MRPS6: variants seen among roughly 807,000 people sequenced by gnomAD.
MRPS6 encodes the protein mitochondrial ribosomal protein S6.
A neutral mutation model predicts 13.1 loss-of-function variants in MRPS6; 6 were observed. That is an observed-to-expected ratio of 0.46 (90% CI 0.25 to 0.91). MRPS6 has a LOEUF of 0.91. Among genes scored for constraint, MRPS6 ranks in the 40% least tolerant of loss-of-function variants. The pLI is 0.18. For missense variants in MRPS6, 164 were observed against 155.6 expected, an observed-to-expected ratio of 1.05 and a Z score of -0.29; for synonymous variants, 61 against 56.5, an observed-to-expected ratio of 1.08 and a Z score of -0.36.
At chr21:34,091,704 T>C (rs1022757276) in intron 1 of MRPS6, among the ~76,000 whole-genome samples, 1 of 152,210 alleles carries the variant, frequency 6.6e-6, no homozygotes, top group Non-Finnish European at 1.5e-5. Context: ...AATAAAATAC[T>C]ACTTTCTGAG....
rs1412649442 is a variant in MRPS6 at position 34,107,566 on chromosome 21, GCATT to G, written c.46-17770_46-17767del. 1.3e-5 allele frequency among the ~76,000 whole-genome samples: 2 copies of G among 152,108 alleles called. 1 individual carries two copies. Among genetic ancestry groups the G allele is most frequent in the East Asian group, 3.8e-4 (2 of 5,200 alleles). ...CATCAAACTTGAACCCCTAGTTTTA[GCATT>G]CATTTATCTATGAATCTTGCCTGAG... On this transcript the variant is annotated intron_variant, in intron 1 of 2. Coordinates refer to ENST00000399312, the MANE Select transcript of MRPS6 (RefSeq NM_032476.4).
Position 34,096,035 on chromosome 21 carries a change from C to CT in MRPS6, c.45+22290_45+22291insT. ...CTTCAGTATGGTACTGGTGTGCTGA[C>CT]CAAGTCATCGTGCAGAGGGTCCTTG... On this transcript the variant is annotated intron_variant, in intron 1 of 2. Coordinates refer to ENST00000399312, the MANE Select transcript of MRPS6 (RefSeq NM_032476.4). This position sits in a 1 kb window ranked among gnomAD's most constrained non-coding sequence, Gnocchi z 5.9. 6.2e-7 allele frequency: 1 copy of CT among 1,614,104 alleles called. No homozygotes were observed. Among genetic ancestry groups the CT allele is most frequent in the Non-Finnish European group, 8.5e-7 (1 of 1,179,994 alleles).
At chr21:34,116,340 T>C (rs12626990) in intron 1 of MRPS6, among the ~76,000 whole-genome samples, 3 of 151,304 alleles carry the variant, frequency 2.0e-5, no homozygotes, top group African/African-American at 7.3e-5. Context: ...TTTTTTAATT[T>C]CTATAGGTGT....
chr21:34,097,584 G>GT, intron 1 of MRPS6: 1 of 1,270,626 alleles, frequency 7.9e-7, no homozygotes, highest in South Asian at 2.4e-5. Flanking sequence ...TGCAAATGTG[G>GT]TTTTAAATTT....
chr21:34,087,474 A>G (rs1978452781), intron 1 of MRPS6, among the ~76,000 whole-genome samples: 1 of 152,190 alleles, frequency 6.6e-6, no homozygotes, highest in Admixed American at 6.5e-5. Flanking sequence ...AGAAAATTCT[A>G]CCCTCATGGA....
At chr21:34,079,723 A>G (rs1300708182) in intron 1 of MRPS6, among the ~76,000 whole-genome samples, 1 of 146,906 alleles carries the variant, frequency 6.8e-6, no homozygotes, top group Admixed American at 7.0e-5. Flanking sequence ...TGCTGGGATT[A>G]CAGGCCCTCT....
At chr21:34,077,178 T>G (rs2148651381) in intron 1 of MRPS6, among the ~76,000 whole-genome samples, 1 of 152,270 alleles carries the variant, frequency 6.6e-6, no homozygotes, top group East Asian at 1.9e-4. Context: ...TAATTAGATT[T>G]TAAAGGTTGG....
rs1208994855 is a variant in MRPS6, at chr21:34,096,801, C to A, written c.45+23056C>A. ...TGTAATTGTGAGCCTTCTCACACCA[C>A]CTCCCACAAAGGAACAGATTCGAAC... is the stretch of plus-strand genomic sequence containing the variant. On this transcript the variant is annotated intron_variant, in intron 1 of 2. Coordinates refer to ENST00000399312, the MANE Select transcript of MRPS6 (RefSeq NM_032476.4). The surrounding 1 kb of genome is among the most constrained non-coding windows in gnomAD (Gnocchi z 5.9). The A allele has an allele frequency of 1.2e-6, 2 of 1,614,016 alleles. No homozygotes were observed.
At chr21:34,138,005 A>T (rs899392017) in intron 2 of MRPS6, among the ~76,000 whole-genome samples, 1 of 152,054 alleles carries the variant, frequency 6.6e-6, no homozygotes, top group Admixed American at 6.6e-5. Flanking sequence ...ATTTGCTAAA[A>T]TTTTGTTTAG....
At chr21:34,133,160 T>C (rs1980564582) in intron 2 of MRPS6, among the ~76,000 whole-genome samples, 1 of 152,248 alleles carries the variant, frequency 6.6e-6, no homozygotes, top group Non-Finnish European at 1.5e-5. Flanking sequence ...GTGAAAGTAC[T>C]TTGAAAATTA....
chr21:34,091,991 T>C (rs190080667), intron 1 of MRPS6, among the ~76,000 whole-genome samples: 2 of 152,128 alleles, frequency 1.3e-5, no homozygotes, highest in African/African-American at 4.8e-5. Flanking sequence ...TATATAAATA[T>C]AAAAATACAA....
Position 34,142,872 on chromosome 21 carries a change from T to G in MRPS6, c.*272T>G, listed in dbSNP as rs1980953389. On this transcript the variant is annotated 3_prime_UTR_variant, in exon 3 of 3. Transcript: ENST00000399312. The stretch of plus-strand genomic sequence containing the variant: ...TCTTTGTCATTGAGGACTTTTCCCC[T>G]TACAACAGTAACACCATTTTTTGAA... 1 of 285,102 alleles carries G rather than the reference T, an allele frequency of 3.5e-6. No homozygotes were observed. The highest frequency in any genetic ancestry group is 6.5e-6 in the Non-Finnish European group (1 of 154,802). The allele number at this position is 285,102 out of a possible 1,614,324, so 17.7% of individuals were successfully genotyped here. A position where few individuals can be genotyped will look rare whatever the true frequency, so the allele number is the denominator to read the frequency against.
At chr21:34,126,478 C>G (rs1334913729) in intron 2 of MRPS6, among the ~76,000 whole-genome samples, 2 of 152,336 alleles carry the variant, frequency 1.3e-5, no homozygotes, top group African/African-American at 4.8e-5. Context: ...TAGTGTTCAG[C>G]TTCTTGAGAA....
intron 1 of MRPS6, among the ~76,000 whole-genome samples, chr21:34,080,704 C>G (rs1027287287): frequency 5.9e-5 from 9 of 152,200 alleles, no homozygotes; most frequent in Admixed American, 3.3e-4. Flanking sequence ...TGTTTTACCT[C>G]CTTTGCTAGA....
At chr21:34,121,720 T>A (rs1328096515) in intron 1 of MRPS6, among the ~76,000 whole-genome samples, 1 of 152,232 alleles carries the variant, frequency 6.6e-6, no homozygotes, top group Non-Finnish European at 1.5e-5. Flanking sequence ...ATCATTTGTT[T>A]CCTGTAAACT....
intron 1 of MRPS6, chr21:34,122,370 C>T (rs993851077): frequency 2.0e-5 from 3 of 152,208 alleles, no homozygotes; most frequent in Admixed American, 6.5e-5. Flanking sequence ...TTCCACCTTT[C>T]GTTTTATACT....
intron 1 of MRPS6, chr21:34,095,268 G>A: frequency 6.2e-7 from 1 of 1,614,124 alleles, no homozygotes; most frequent in South Asian, 1.1e-5. Flanking sequence ...CATGTGCATT[G>A]GTTTTTTTGC....
chr21:34,102,997 TAGAC>T (rs1338084816), intron 1 of MRPS6: 49 of 999,868 alleles, frequency 4.9e-5, no homozygotes, highest in East Asian at 1.1e-4. Context: ...TTATTGCTCT[TAGAC>T]AGAGTAGTCT....
intron 1 of MRPS6, chr21:34,098,131 C>T (rs1979058551): frequency 1.0e-6 from 1 of 999,438 alleles, no homozygotes; most frequent in African/African-American, 1.7e-5. Flanking sequence ...GCTGATGATC[C>T]CCATATTTAT....
Sources: allele counts gnomAD v4.1 joint callset (sites outside exome capture counted in the v4.1 genomes callset), GRCh38; gene constraint gnomAD v4.1.1; non-coding constraint Gnocchi (gnomAD v3.1); transcripts MANE v1.5; gene names NCBI Gene and HGNC (gene_info 2026-07-23, HGNC 2026-07-21).